The following TPD52L1 variants were observed in gnomAD, a reference collection of about 807,000 sequenced individuals.
TPD52L1 encodes the protein TPD52 like 1.
TPD52L1 carries 18 observed loss-of-function variants against 28.7 expected under a neutral mutation model. The ratio of observed to expected loss-of-function variants is 0.63; its 90% confidence interval spans 0.43 to 0.93. TPD52L1 has a LOEUF of 0.93. Ranked by LOEUF, TPD52L1 falls within the 40% of genes least tolerant of loss-of-function variation. The pLI is 0.00. For synonymous variants in TPD52L1, 75 were observed against 88.8 expected, an observed-to-expected ratio of 0.84 and a Z score of 0.88; for missense variants, 203 against 254.8, an observed-to-expected ratio of 0.80 and a Z score of 1.39.
At chr6:125,230,262 C>A (rs1049260894) in intron 3 of TPD52L1, among the ~76,000 whole-genome samples, 2 of 152,066 alleles carry the variant, frequency 1.3e-5, no homozygotes, top group East Asian at 3.9e-4. Flanking sequence ...AAGTATTTTA[C>A]CTGCTGGGGG....
At chr6:125,204,161 T>C (rs909267168) in intron 1 of TPD52L1, among the ~76,000 whole-genome samples, 20 of 152,172 alleles carry the variant, frequency 1.3e-4, no homozygotes, top group Non-Finnish European at 1.5e-5. Context: ...TTCACTGTAC[T>C]TACTTATCGT....
intron 1 of TPD52L1, among the ~76,000 whole-genome samples, chr6:125,168,115 G>C (rs371115809): frequency 6.6e-6 from 1 of 152,164 alleles, no homozygotes; most frequent in Non-Finnish European, 1.5e-5. Flanking sequence ...AACTTTGTAT[G>C]ACCTTTGCTA....
intron 1 of TPD52L1, among the ~76,000 whole-genome samples, chr6:125,205,872 T>C (rs1037367660): frequency 1.2e-4 from 19 of 152,334 alleles, no homozygotes; most frequent in Admixed American, 1.2e-3. Context: ...CCTCTATATG[T>C]AATAGCACGT....
chr6:125,244,820 A>C (rs573002405), intron 3 of TPD52L1, among the ~76,000 whole-genome samples: 3 of 152,130 alleles, frequency 2.0e-5, no homozygotes, highest in Non-Finnish European at 4.4e-5. Context: ...TGTGCCCAGC[A>C]CTGCAATTGT....
chr6:125,231,786 A>G (rs2114993467), intron 3 of TPD52L1, among the ~76,000 whole-genome samples: 1 of 152,234 alleles, frequency 6.6e-6, no homozygotes, highest in African/African-American at 2.4e-5. Context: ...TGAGTGTTGG[A>G]ACTGTTTACG....
intron 1 of TPD52L1, among the ~76,000 whole-genome samples, chr6:125,186,355 G>C (rs934840093): frequency 1.3e-5 from 2 of 152,168 alleles, no homozygotes; most frequent in Non-Finnish European, 2.9e-5. Context: ...GGGTATGACT[G>C]TGATCCAACA....
chr6:125,174,731 G>A (rs1396662415), intron 1 of TPD52L1, among the ~76,000 whole-genome samples: 2 of 152,150 alleles, frequency 1.3e-5, no homozygotes, highest in Non-Finnish European at 2.9e-5. Flanking sequence ...AGAGCATTGG[G>A]GAAAATGCCA....
intron 1 of TPD52L1, among the ~76,000 whole-genome samples, chr6:125,216,154 G>C (rs1794857197): frequency 6.6e-6 from 1 of 152,134 alleles, no homozygotes; most frequent in Non-Finnish European, 1.5e-5. Context: ...TGACCTGTAA[G>C]TTACATTGTT....
chr6:125,259,378 T>C (rs1797785345), intron 6 of TPD52L1, among the ~76,000 whole-genome samples: 1 of 152,238 alleles, frequency 6.6e-6, no homozygotes, highest in Non-Finnish European at 1.5e-5. Context: ...CCATGGGTCT[T>C]TCTTTACACC....
intron 1 of TPD52L1, among the ~76,000 whole-genome samples, chr6:125,186,205 T>C (rs565167912): frequency 3.9e-5 from 6 of 152,268 alleles, no homozygotes; most frequent in Admixed American, 3.9e-4. Context: ...TTTTTAAACC[T>C]AGAGCAGGGA....
intron 1 of TPD52L1, among the ~76,000 whole-genome samples, chr6:125,201,265 A>G (rs1192586009): frequency 6.6e-6 from 1 of 152,244 alleles, no homozygotes; most frequent in Non-Finnish European, 1.5e-5. Flanking sequence ...AACAGAAATT[A>G]TAACCATATG....
At chr6:125,204,837 T>A (rs1454270298) in intron 1 of TPD52L1, among the ~76,000 whole-genome samples, 1 of 152,184 alleles carries the variant, frequency 6.6e-6, no homozygotes, top group Admixed American at 6.5e-5. Flanking sequence ...GATAGCTAAT[T>A]AAATTATTCC....
intron 6 of TPD52L1, among the ~76,000 whole-genome samples, chr6:125,258,947 T>C (rs1026347222): frequency 6.6e-6 from 1 of 152,254 alleles, no homozygotes; most frequent in Non-Finnish European, 1.5e-5. Flanking sequence ...CTGATAATTA[T>C]GCTTTGTGTC....
intron 5 of TPD52L1, among the ~76,000 whole-genome samples, chr6:125,256,007 A>T (rs926048803): frequency 6.6e-6 from 1 of 152,200 alleles, no homozygotes; most frequent in African/African-American, 2.4e-5. Context: ...GCTTAAAGCA[A>T]CAAAATTATG....
At chr6:125,191,065 A>G (rs1359720251) in intron 1 of TPD52L1, among the ~76,000 whole-genome samples, 1 of 152,224 alleles carries the variant, frequency 6.6e-6, no homozygotes, top group African/African-American at 2.4e-5. Flanking sequence ...ATATCGTGTA[A>G]CATTATGTGG....
At chr6:125,181,161 T>C (rs1262497915) in intron 1 of TPD52L1, among the ~76,000 whole-genome samples, 1 of 152,160 alleles carries the variant, frequency 6.6e-6, no homozygotes, top group Admixed American at 6.5e-5. Context: ...TTTTATTTAC[T>C]TATATACTAT....
At chr6:125,172,560 T>TAC (rs1791550394) in intron 1 of TPD52L1, among the ~76,000 whole-genome samples, 1 of 94,176 alleles carries the variant, frequency 1.1e-5, no homozygotes, top group African/African-American at 4.7e-5. Flanking sequence ...ATAATATATA[T>TAC]ACTATATGGC....
At chr6:125,180,562 T>TTATA (rs3839550) in intron 1 of TPD52L1, among the ~76,000 whole-genome samples, 7,874 of 150,688 alleles carry the variant, frequency 0.052, 285 homozygotes, top group African/African-American at 0.1. Context: ...CACACATATA[T>TTATA]TATATATACA....
At chr6:125,215,747 G>A (rs543423632) in intron 1 of TPD52L1, among the ~76,000 whole-genome samples, 12 of 151,982 alleles carry the variant, frequency 7.9e-5, no homozygotes, top group Admixed American at 6.6e-4. Flanking sequence ...AGATTCACTC[G>A]AAGTTTCCCA....
Sources: gnomAD v4.1 joint callset for allele counts (sites outside exome capture counted in the v4.1 genomes callset) on GRCh38, gnomAD v4.1.1 for gene constraint, MANE v1.5 for transcripts, NCBI Gene and HGNC (gene_info 2026-07-23, HGNC 2026-07-21) for gene names.